Variants in ODAD2 observed in about 807,000 individuals in gnomAD.
ODAD2 encodes the protein outer dynein arm-docking complex subunit 2.
In ODAD2, 89 loss-of-function variants were observed where a neutral mutation model predicts 106.8. The observed-to-expected ratio is 0.83, with a 90% CI of 0.70 to 0.99. The LOEUF is 0.99. Among genes scored for constraint, ODAD2 ranks in the 50% least tolerant of loss-of-function variants. The pLI is 0.00. For synonymous variants in ODAD2, 404 were observed against 436.2 expected (o/e 0.93, Z 0.92); for missense variants, 1,168 against 1,238.5 (o/e 0.94, Z 0.85).
At chr10:27,915,271 G>A (rs1373384130) in intron 16 of ODAD2, among the ~76,000 whole-genome samples, 2 of 152,070 alleles carry the variant, frequency 1.3e-5, no homozygotes, top group Non-Finnish European at 2.9e-5. Context: ...GCCATATGCT[G>A]GGTGGCTTGT....
chr10:27,995,131 A>G lies in ODAD2; in HGVS notation c.12T>C (p.Ala4=). Residue 4 remains alanine, a synonymous_variant, in exon 2 of 20, where the codon GCT becomes GCC. Coordinates refer to ENST00000305242, the MANE Select transcript of ODAD2 (RefSeq NM_018076.5). ...CAGTCCACTGCGTCAATTTCCTCAG[A>G]GCCACACCCATGGGATCCACCGTGC... MGV[A]LRKLTQWTAA... is the part of the protein sequence containing the mutation. 1.9e-6 allele frequency: 3 copies of G among 1,614,116 alleles called. No individual in the cohort carries two copies. Among genetic ancestry groups the G allele is most frequent in the South Asian group, 2.2e-5 (2 of 91,078 alleles).
chr10:27,882,229 G>GAAAGAAAGAA (rs1554799128), intron 17 of ODAD2, among the ~76,000 whole-genome samples: 7 of 149,362 alleles, frequency 4.7e-5, no homozygotes, highest in South Asian at 2.1e-4. Flanking sequence ...AAGAAAGAAA[G>GAAAGAAAGAA]AAAGAAATAT....
chr10:27,961,993 G>A (rs1212456361), intron 9 of ODAD2, among the ~76,000 whole-genome samples: 1 of 152,148 alleles, frequency 6.6e-6, no homozygotes, highest in Non-Finnish European at 1.5e-5. Context: ...CTTCAGCCCA[G>A]GAGTCTGAGC....
At chr10:27,922,000 C>G (rs959183924) in intron 16 of ODAD2, among the ~76,000 whole-genome samples, 1 of 151,108 alleles carries the variant, frequency 6.6e-6, no homozygotes, top group Non-Finnish European at 1.5e-5. Flanking sequence ...AACCCTGTCT[C>G]TACAAAAACT....
chr10:27,941,637 A>C (rs1268538593), intron 12 of ODAD2, among the ~76,000 whole-genome samples: 1 of 138,684 alleles, frequency 7.2e-6, no homozygotes, highest in Non-Finnish European at 1.5e-5. Flanking sequence ...AAGTCACTGA[A>C]GATCTTAAGG....
intron 19 of ODAD2, among the ~76,000 whole-genome samples, chr10:27,857,591 T>C (rs1839749325): frequency 6.6e-6 from 1 of 152,224 alleles, no homozygotes; most frequent in Admixed American, 6.5e-5. Context: ...ACATTTCTGC[T>C]GGGCAGCGCT....
At chr10:27,996,769 T>A (rs1400468171) in intron 1 of ODAD2, among the ~76,000 whole-genome samples, 8 of 152,202 alleles carry the variant, frequency 5.3e-5, no homozygotes, top group Non-Finnish European at 1.0e-4. Context: ...TTGATGGCAA[T>A]GTTATTTGAG....
At chr10:27,841,200 G>A (rs953382509) in intron 19 of ODAD2, among the ~76,000 whole-genome samples, 4 of 151,982 alleles carry the variant, frequency 2.6e-5, no homozygotes, top group African/African-American at 7.2e-5. Flanking sequence ...ATAAAAATGG[G>A]CTTGCTAGCA....
intron 19 of ODAD2, among the ~76,000 whole-genome samples, chr10:27,847,496 C>T (rs1184513099): frequency 3.3e-5 from 5 of 152,152 alleles, no homozygotes; most frequent in Non-Finnish European, 7.3e-5. Context: ...GAAGCATTCC[C>T]TTTGAAAACT....
At chr10:27,947,504 T>C (rs1413200991) in intron 10 of ODAD2, among the ~76,000 whole-genome samples, 2 of 152,058 alleles carry the variant, frequency 1.3e-5, no homozygotes, top group Non-Finnish European at 2.9e-5. Flanking sequence ...ATGCTAACCA[T>C]ACTTAATTAA....
At chr10:27,986,235 A>T (rs1849866982) in intron 3 of ODAD2, among the ~76,000 whole-genome samples, 1 of 152,170 alleles carries the variant, frequency 6.6e-6, no homozygotes, top group African/African-American at 2.4e-5. Context: ...TCACACAGAG[A>T]TTTACAAAAA....
chr10:27,929,633 C>T (rs1355771212), intron 16 of ODAD2, among the ~76,000 whole-genome samples: 1 of 152,170 alleles, frequency 6.6e-6, no homozygotes, highest in Admixed American at 6.5e-5. Context: ...GAGAGTACTA[C>T]ATTCACCAAT....
At chr10:27,871,631 A>AT (rs1840900043) in intron 17 of ODAD2, among the ~76,000 whole-genome samples, 1 of 151,942 alleles carries the variant, frequency 6.6e-6, no homozygotes, top group Non-Finnish European at 1.5e-5. Flanking sequence ...CCCATTTCCT[A>AT]TTTTTGTCAG....
rs1318069765 is a variant in ODAD2, at chr10:27,857,749, CTGTTGAGGAAAT to C, written c.3021+2864_3021+2875del. Reference sequence around the variant, plus strand: ...ATACACCGCATTACATCGGCCACTGCTGTTGAGGAAATTGTCTAACAAAGCAGCTAATCCTAG... The same window carrying C: ...ATACACCGCATTACATCGGCCACTGCTGTCTAACAAAGCAGCTAATCCTAG... On this transcript the variant is annotated intron_variant, in intron 19 of 19. Transcript: ENST00000305242. Among the ~76,000 whole-genome samples, 6 of 152,288 alleles carry C rather than the reference CTGTTGAGGAAAT, an allele frequency of 3.9e-5. No homozygotes were observed. The East Asian group carries it at 1.2e-3, about 29-fold the overall frequency.
intron 17 of ODAD2, among the ~76,000 whole-genome samples, chr10:27,875,169 C>T (rs970754171): frequency 3.3e-5 from 5 of 152,206 alleles, no homozygotes; most frequent in Admixed American, 6.6e-5. Flanking sequence ...CTTGTGCATT[C>T]GTCACGTAGT....
In ODAD2 at chr10:27,868,655, G is replaced by A. The variant is rs747183308; in HGVS notation, c.2611-6033C>T. 6.4e-4 allele frequency among the ~76,000 whole-genome samples: 98 copies of A among 152,168 alleles called. 1 individual carries two copies. The highest frequency in any genetic ancestry group is 3.4e-3 in the Middle Eastern group (1 of 294). Reference sequence around the variant, plus strand: ...ATGAGAACACATAGATACAGGGAAGGGAATAACACACATTGGGGCCTGCTG... The same window carrying A: ...ATGAGAACACATAGATACAGGGAAGAGAATAACACACATTGGGGCCTGCTG... On this transcript the variant is annotated intron_variant, in intron 17 of 19. Coordinates refer to ENST00000305242, the MANE Select transcript of ODAD2 (RefSeq NM_018076.5).
intron 7 of ODAD2, among the ~76,000 whole-genome samples, chr10:27,980,148 C>A (rs1428212555): frequency 6.6e-6 from 1 of 151,928 alleles, no homozygotes; most frequent in Non-Finnish European, 1.5e-5. Context: ...GAAATTGGAG[C>A]CTAATGGACA....
At chr10:27,949,004 T>C (rs1341251288) in intron 10 of ODAD2, among the ~76,000 whole-genome samples, 1 of 152,104 alleles carries the variant, frequency 6.6e-6, no homozygotes, top group Non-Finnish European at 1.5e-5. Flanking sequence ...TTTTTTTAAT[T>C]ACTTCAAATA....
At chr10:27,953,644 C>T (rs1847520332) in intron 10 of ODAD2, among the ~76,000 whole-genome samples, 1 of 151,730 alleles carries the variant, frequency 6.6e-6, no homozygotes, top group South Asian at 2.1e-4. Flanking sequence ...TGAAAGATCA[C>T]CAAGACAGAA....
Sources: gnomAD v4.1 joint callset for allele counts (sites outside exome capture counted in the v4.1 genomes callset) on GRCh38, gnomAD v4.1.1 for gene constraint, MANE v1.5 for transcripts, NCBI Gene and HGNC (gene_info 2026-07-23, HGNC 2026-07-21) for gene names.